ADARB2: variants seen among roughly 807,000 people sequenced by gnomAD.
ADARB2 encodes the protein adenosine deaminase RNA specific B2 (inactive).
In ADARB2, 25 loss-of-function variants were observed where a neutral mutation model predicts 62.2. The observed-to-expected ratio is 0.40, with a 90% confidence interval of 0.29 to 0.56. The LOEUF is 0.56. Among genes scored for constraint, ADARB2 ranks in the 20% least tolerant of loss-of-function variants. The pLI is 0.43. For synonymous variants in ADARB2, 572 were observed against 500.8 expected (o/e 1.14, Z -1.90); for missense variants, 1,071 against 1,077.4 (o/e 0.99, Z 0.08).
chr10:1,376,596 T>A (rs1432520140), intron 2 of ADARB2, among the ~76,000 whole-genome samples: 6 of 152,162 alleles, frequency 3.9e-5, no homozygotes, highest in African/African-American at 9.7e-5. Context: ...AGCAGTAACT[T>A]TCCCATGTAG....
At chr10:1,491,454 T>G (rs1380693358) in intron 1 of ADARB2, among the ~76,000 whole-genome samples, 1 of 152,212 alleles carries the variant, frequency 6.6e-6, no homozygotes, top group Non-Finnish European at 1.5e-5. Context: ...TTTGTGTGCC[T>G]ACAGAATGTT....
At chr10:1,559,776 T>G (rs1458934281) in intron 1 of ADARB2, among the ~76,000 whole-genome samples, 1 of 152,232 alleles carries the variant, frequency 6.6e-6, no homozygotes, top group Non-Finnish European at 1.5e-5. Context: ...ATTTGACAGG[T>G]CTTTTCTTGT....
chr10:1,685,379 G>A (rs971209665), intron 1 of ADARB2, among the ~76,000 whole-genome samples: 3 of 152,142 alleles, frequency 2.0e-5, no homozygotes, highest in South Asian at 4.1e-4. Flanking sequence ...CCATACATGC[G>A]ATTTCATGGG....
chr10:1,647,001 G>A (rs1834051389), intron 1 of ADARB2, among the ~76,000 whole-genome samples: 2 of 152,220 alleles, frequency 1.3e-5, no homozygotes, highest in Non-Finnish European at 2.9e-5. Flanking sequence ...ATTTTTGGGA[G>A]GATAAAATCC....
intron 3 of ADARB2, among the ~76,000 whole-genome samples, chr10:1,282,412 G>A (rs73594113): frequency 6.6e-6 from 1 of 152,152 alleles, no homozygotes; most frequent in Admixed American, 6.5e-5. Flanking sequence ...TAAGTGATTG[G>A]TTTTTAATTA....
intron 8 of ADARB2, among the ~76,000 whole-genome samples, chr10:1,194,925 G>A (rs543321694): frequency 2.0e-5 from 3 of 152,106 alleles, no homozygotes; most frequent in Non-Finnish European, 2.9e-5. Context: ...TGTTTTTTGT[G>A]TGTGGCAATA....
intron 1 of ADARB2, among the ~76,000 whole-genome samples, chr10:1,414,642 A>AT (rs1226561349): frequency 2.6e-5 from 4 of 152,198 alleles, no homozygotes; most frequent in Admixed American, 6.5e-5. Context: ...TCTTTGTTGG[A>AT]TTACCAATAA....
chr10:1,517,766 A>C (rs903664814), intron 1 of ADARB2, among the ~76,000 whole-genome samples: 1 of 152,158 alleles, frequency 6.6e-6, no homozygotes, highest in Admixed American at 6.5e-5. Flanking sequence ...GAGAATCACG[A>C]GATGGGATTT....
intron 1 of ADARB2, among the ~76,000 whole-genome samples, chr10:1,673,737 G>C (rs528997073): frequency 6.6e-6 from 1 of 152,226 alleles, no homozygotes; most frequent in Non-Finnish European, 1.5e-5. Flanking sequence ...ACGGGGAACA[G>C]GAGCCTTCAG....
At chr10:1,713,570 G>T (rs982566678) in intron 1 of ADARB2, among the ~76,000 whole-genome samples, 1 of 152,178 alleles carries the variant, frequency 6.6e-6, no homozygotes, top group African/African-American at 2.4e-5. Context: ...GGGGTTCAAA[G>T]AGCATTGGCA....
chr10:1,507,355 G>A (rs1303211116), intron 1 of ADARB2, among the ~76,000 whole-genome samples: 2 of 152,212 alleles, frequency 1.3e-5, no homozygotes, highest in Non-Finnish European at 2.9e-5. Flanking sequence ...TGGAGAGGCT[G>A]GCATGAGCCT....
At chr10:1,689,666 T>C (rs1834644073) in intron 1 of ADARB2, among the ~76,000 whole-genome samples, 1 of 152,216 alleles carries the variant, frequency 6.6e-6, no homozygotes, top group South Asian at 2.1e-4. Context: ...CCTAACTTGA[T>C]GGGTGTTCAG....
chr10:1,308,574 C>T (rs913698627), intron 3 of ADARB2, among the ~76,000 whole-genome samples: 4 of 152,168 alleles, frequency 2.6e-5, no homozygotes, highest in Admixed American at 2.6e-4. Context: ...AAGAAAATGC[C>T]ACGCTGTCTT....
chr10:1,631,162 T>C (rs1353298813), intron 1 of ADARB2, among the ~76,000 whole-genome samples: 2 of 152,176 alleles, frequency 1.3e-5, no homozygotes, highest in Admixed American at 6.5e-5. Context: ...ACACGTTCGA[T>C]GTGCCAGGTG....
chr10:1,326,459 C>T (rs182817676), intron 3 of ADARB2, among the ~76,000 whole-genome samples: 2 of 152,166 alleles, frequency 1.3e-5, no homozygotes, highest in Non-Finnish European at 2.9e-5. Context: ...GGGAGATGAC[C>T]CTGTGCTAAT....
chr10:1,395,548 C>G (rs1031681552), intron 1 of ADARB2, among the ~76,000 whole-genome samples: 1 of 152,212 alleles, frequency 6.6e-6, no homozygotes, highest in Non-Finnish European at 1.5e-5. Context: ...GGCACTTCTC[C>G]CCAGCGGGGC....
chr10:1,603,155 A>C (rs1364736932), intron 1 of ADARB2, among the ~76,000 whole-genome samples: 7 of 86,606 alleles, frequency 8.1e-5, no homozygotes, highest in African/African-American at 2.2e-4. Flanking sequence ...ACACACCTGT[A>C]CACACATTAA....
At chr10:1,582,064 A>G (rs2132001293) in intron 1 of ADARB2, among the ~76,000 whole-genome samples, 1 of 152,314 alleles carries the variant, frequency 6.6e-6, no homozygotes, top group Non-Finnish European at 1.5e-5. Flanking sequence ...TTCTTAATCT[A>G]ATCAGCTCTA....
chr10:1,408,278 A>T (rs1377346895), intron 1 of ADARB2, among the ~76,000 whole-genome samples: 5 of 152,246 alleles, frequency 3.3e-5, no homozygotes, highest in Non-Finnish European at 7.3e-5. Flanking sequence ...TCCAATGAAA[A>T]TATATCCCAC....
Sources: gnomAD v4.1 joint callset for allele counts (sites outside exome capture counted in the v4.1 genomes callset) on GRCh38, gnomAD v4.1.1 for gene constraint, MANE v1.5 for transcripts, NCBI Gene and HGNC (gene_info 2026-07-23, HGNC 2026-07-21) for gene names.